KCNA2: variants seen among roughly 807,000 people sequenced by gnomAD.
The protein encoded by KCNA2 is potassium voltage-gated channel subfamily A member 2.
Under a neutral mutation model 33.4 loss-of-function variants are expected in KCNA2, and 11 were observed. That is an observed-to-expected ratio of 0.33 (90% CI 0.21 to 0.55). The LOEUF (loss-of-function observed/expected upper bound fraction) is 0.55. KCNA2 is among the 20% of genes least tolerant of loss of function. The pLI, the probability that KCNA2 is intolerant of heterozygous loss-of-function variation, is 0.93. For synonymous variants in KCNA2, 222 were observed against 231.3 expected (o/e 0.96, Z 0.37); for missense variants, 291 against 621.6 (o/e 0.47, Z 5.66).
chr1:110,596,932 GGAAAGGGGACTCTTCT>G lies in KCNA2; in HGVS notation c.*6335_*6350del. Reference sequence around the variant, plus strand: ...TGAACATTTAAGCTCACAGATGTTAGGAAAGGGGACTCTTCTGAAGCCCCTGGCTATGTGTGCAAAT... The same window carrying G: ...TGAACATTTAAGCTCACAGATGTTAGGAAGCCCCTGGCTATGTGTGCAAAT... On this transcript the variant is annotated 3_prime_UTR_variant, in exon 3 of 3. Coordinates refer to ENST00000316361, the MANE Select transcript of KCNA2 (RefSeq NM_004974.4). 1.0e-6 allele frequency: 1 copy of G among 985,440 alleles called. No homozygotes were observed. Among genetic ancestry groups the G allele is most frequent in the Non-Finnish European group, 1.2e-6 (1 of 829,944 alleles). 61.0% of individuals were successfully genotyped at this position (985,440 alleles called of 1,614,324 possible).
Position 110,595,491 on chromosome 1 carries a change from C to T in KCNA2, c.*7792G>A. On this transcript the variant is annotated 3_prime_UTR_variant, in exon 3 of 3. Transcript: ENST00000316361. ...TGGGGAGATGGCAGACACCCCTGCA[C>T]CACTTCAATTGCTCCAGATACAGTG... is the stretch of plus-strand genomic sequence containing the variant. The T allele has an allele frequency of 1.0e-6, 1 of 985,416 alleles. No homozygotes were observed. Among genetic ancestry groups the T allele is most frequent in the Non-Finnish European group, 1.2e-6 (1 of 829,970 alleles). 61.0% of individuals were successfully genotyped at this position (985,416 alleles called of 1,614,324 possible).
intron 1 of KCNA2, among the ~76,000 whole-genome samples, chr1:110,620,070 GA>G (rs1650207507): frequency 6.9e-6 from 1 of 144,762 alleles, no homozygotes. Context: ...GAGAGAGAGA[GA>G]GAGAGAGAGA....
At chr1:110,609,579 C>T (rs1649801962), upstream of KCNA2, among the ~76,000 whole-genome samples, 1 of 152,174 alleles carries the variant, frequency 6.6e-6, no homozygotes, top group Non-Finnish European at 1.5e-5. Flanking sequence ...GAATGAGCAG[C>T]TCTTGAATTT....
upstream of KCNA2, chr1:110,607,302 G>C (rs1432280752): frequency 6.6e-6 from 1 of 151,752 alleles, no homozygotes; most frequent in Admixed American, 6.6e-5. Flanking sequence ...GGCCAGCGCC[G>C]GCAGAACCCC....
Position 110,601,331 on chromosome 1 carries a change from C to T in KCNA2, c.*1952G>A, listed in dbSNP as rs1649333453. On this transcript the variant is annotated 3_prime_UTR_variant, in exon 3 of 3. Coordinates refer to ENST00000316361, the MANE Select transcript of KCNA2 (RefSeq NM_004974.4). ...CAGTGGAATTTGGTCCCAGGGAGTC[C>T]TACTCCTTGGTGTCCTTGGTTTCAA... is the stretch of plus-strand genomic sequence containing the variant. 9.1e-6 allele frequency: 9 copies of T among 984,984 alleles called. No individual in the cohort carries two copies. Among genetic ancestry groups the T allele is most frequent in the Non-Finnish European group, 1.1e-5 (9 of 829,698 alleles). 61.0% of individuals were successfully genotyped at this position (984,984 alleles called of 1,614,324 possible).
In KCNA2 at chr1:110,604,579, G is replaced by A. The variant is rs776134187; in HGVS notation, c.204C>T (p.Tyr68=). The A allele has an allele frequency of 1.7e-5, 28 of 1,614,104 alleles. No individual in the cohort carries two copies. The South Asian group carries it at 3.1e-4, about 18-fold the overall frequency. Residue 68 remains tyrosine (Y), a synonymous_variant, in exon 3 of 3, where the codon TAC becomes TAT. Coordinates refer to ENST00000316361, the MANE Select transcript of KCNA2 (RefSeq NM_004974.4). This position sits in a 1 kb window ranked among gnomAD's most constrained non-coding sequence, Gnocchi z 7.6. ...AGTACTCATTTCGGAGGGGGTCAAA[G>A]TACCTCATTCGTTTCTTTGGGTCCC... The part of the protein sequence containing the change: ...LLGDPKKRMR[Y]FDPLRNEYFF...
chr1:110,604,048 G>A lies in KCNA2; in HGVS notation c.735C>T (p.Pro245=). Residue 245 remains proline (P), a synonymous_variant, in exon 3 of 3, where the codon CCC becomes CCT. Transcript: ENST00000316361. This position sits in a 1 kb window ranked among gnomAD's most constrained non-coding sequence, Gnocchi z 7.6. The part of the protein sequence containing the change: ...FEFLVRFFAC[P]SKAGFFTNIM... ...TGTTGGTGAAGAAGCCGGCTTTGCTGGGACAGGCAAAGAACCTCACCAAGA... is the reference window on the plus strand; with the variant it reads ...TGTTGGTGAAGAAGCCGGCTTTGCTAGGACAGGCAAAGAACCTCACCAAGA... 6.2e-7 allele frequency: 1 copy of A among 1,614,200 alleles called. No individual in the cohort carries two copies. The highest frequency in any genetic ancestry group is 1.3e-5 in the African/African-American group (1 of 75,052).
Position 110,594,731 on chromosome 1 carries a change from T to C in KCNA2, c.*8552A>G, listed in dbSNP as rs1649023218. ...GCAGAACTGGGGCAAGCACAGAGCATGTTCAAACCCTCAGGAGCTGAGACT... is the reference window on the plus strand; with the variant it reads ...GCAGAACTGGGGCAAGCACAGAGCACGTTCAAACCCTCAGGAGCTGAGACT... On this transcript the variant is annotated 3_prime_UTR_variant, in exon 3 of 3. Transcript: ENST00000316361. The C allele has an allele frequency of 7.1e-6, 7 of 985,264 alleles. No homozygotes were observed. Among genetic ancestry groups the C allele is most frequent in the African/African-American group, 3.5e-5 (2 of 57,216 alleles). The allele number at this position is 985,264 out of a possible 1,614,324, so 61.0% of individuals were successfully genotyped here. A position where few individuals can be genotyped will look rare whatever the true frequency, so the allele number is the denominator to read the frequency against.
chr1:110,594,140 C>G lies in KCNA2; in HGVS notation c.*9143G>C, dbSNP rs1342085949. On this transcript the variant is annotated 3_prime_UTR_variant, in exon 3 of 3. Coordinates refer to ENST00000316361, the MANE Select transcript of KCNA2 (RefSeq NM_004974.4). The stretch of plus-strand genomic sequence containing the variant: ...ATCCCAAGGAGGCTTATTTATCTAC[C>G]TCTTTGAGTTTTCAGCAATTATTAG... 3 of 1,356,640 alleles carry G rather than the reference C, an allele frequency of 2.2e-6. No individual in the cohort carries two copies. Among genetic ancestry groups the G allele is most frequent in the Non-Finnish European group, 2.8e-6 (3 of 1,058,962 alleles). The allele number at this position is 1,356,640 out of a possible 1,614,324, so 84.0% of individuals were successfully genotyped here. A position where few individuals can be genotyped will look rare whatever the true frequency, so the allele number is the denominator to read the frequency against.
rs187463116 is a variant in KCNA2, at chr1:110,613,734, T to C, written c.-495-8012A>G. Among the ~76,000 whole-genome samples the C allele has an allele frequency of 5.1e-4, 77 of 152,252 alleles. 1 individual carries two copies. The highest frequency in any genetic ancestry group is 1.6e-3 in the Admixed American group (25 of 15,290). ...GTTTCCCAGAGCTGGTGGCTCCCTC[T>C]CTATTTTATAGAGAGCTTAAGCATC... On this transcript the variant is annotated intron_variant, in intron 1 of 4. Coordinates refer to the KCNA2 transcript ENST00000369770.
At position 110,600,781 on chromosome 1, in the gene KCNA2, C is replaced by T. The variant is rs1223199030; in HGVS notation, c.*2502G>A. 1.1e-5 allele frequency: 11 copies of T among 985,342 alleles called. No homozygotes were observed. Among genetic ancestry groups the T allele is most frequent in the Non-Finnish European group, 1.2e-5 (10 of 829,970 alleles). 61.0% of individuals were successfully genotyped at this position (985,342 alleles called of 1,614,324 possible). On this transcript the variant is annotated 3_prime_UTR_variant, in exon 3 of 3. Transcript: ENST00000316361. Reference sequence around the variant, plus strand: ...CTCCCATGAAGGAGAGGAAGAGAAGCACAGAGGCTTTGTGCTGGGCATGGG... The same window carrying T: ...CTCCCATGAAGGAGAGGAAGAGAAGTACAGAGGCTTTGTGCTGGGCATGGG...
Position 110,602,383 on chromosome 1 carries a change from G to C in KCNA2, c.*900C>G. On this transcript the variant is annotated 3_prime_UTR_variant, in exon 3 of 3. Coordinates refer to ENST00000316361, the MANE Select transcript of KCNA2 (RefSeq NM_004974.4). Reference sequence around the variant, plus strand: ...GGTTATCTCCTGTGTTTTAAATATTGAGATTCATGCAACAAACACCCATGC... The same window carrying C: ...GGTTATCTCCTGTGTTTTAAATATTCAGATTCATGCAACAAACACCCATGC... 1 of 1,399,634 alleles carries C rather than the reference G, an allele frequency of 7.1e-7. No individual in the cohort carries two copies. The highest frequency in any genetic ancestry group is 1.4e-5 in the African/African-American group (1 of 69,236). 86.7% of individuals were successfully genotyped at this position (1,399,634 alleles called of 1,614,324 possible).
chr1:110,620,511 C>A (rs975860591), intron 1 of KCNA2, among the ~76,000 whole-genome samples: 1 of 152,156 alleles, frequency 6.6e-6, no homozygotes, highest in African/African-American at 2.4e-5. Context: ...CTGTTAAGAA[C>A]CCCACTTGGC....
At position 110,601,334 on chromosome 1, in the gene KCNA2, C is replaced by T; in HGVS notation, c.*1949G>A. ...TGGAATTTGGTCCCAGGGAGTCCTA[C>T]TCCTTGGTGTCCTTGGTTTCAAAGC... On this transcript the variant is annotated 3_prime_UTR_variant, in exon 3 of 3. Coordinates refer to ENST00000316361, the MANE Select transcript of KCNA2 (RefSeq NM_004974.4). The T allele has an allele frequency of 1.0e-6, 1 of 985,410 alleles. No homozygotes were observed. The highest frequency in any genetic ancestry group is 1.2e-6 in the Non-Finnish European group (1 of 829,924). The allele number at this position is 985,410 out of a possible 1,614,324, so 61.0% of individuals were successfully genotyped here. A position where few individuals can be genotyped will look rare whatever the true frequency, so the allele number is the denominator to read the frequency against.
chr1:110,600,856 C>T lies in KCNA2; in HGVS notation c.*2427G>A, dbSNP rs148406391. 2 of 985,428 alleles carry T rather than the reference C, an allele frequency of 2.0e-6. No homozygotes were observed. The highest frequency in any genetic ancestry group is 2.4e-6 in the Non-Finnish European group (2 of 829,988). The allele number at this position is 985,428 out of a possible 1,614,324, so 61.0% of individuals were successfully genotyped here. A position where few individuals can be genotyped will look rare whatever the true frequency, so the allele number is the denominator to read the frequency against. ...TGGGTGACCAGGCACTAATGAGCAC[C>T]CTGGGCCTAGCACCCTGAGCTGGTG... is the stretch of plus-strand genomic sequence containing the variant. On this transcript the variant is annotated 3_prime_UTR_variant, in exon 3 of 3. Coordinates refer to ENST00000316361, the MANE Select transcript of KCNA2 (RefSeq NM_004974.4).
chr1:110,621,411 C>T (rs766853271), intron 1 of KCNA2, among the ~76,000 whole-genome samples: 3 of 152,116 alleles, frequency 2.0e-5, no homozygotes, highest in Non-Finnish European at 4.4e-5. Context: ...AAAAGAAGAT[C>T]TTACATCAAT....
intron 1 of KCNA2, among the ~76,000 whole-genome samples, chr1:110,622,500 G>A (rs1296504679): frequency 6.6e-6 from 1 of 151,928 alleles, no homozygotes; most frequent in Non-Finnish European, 1.5e-5. Flanking sequence ...AGCACAATAA[G>A]GTAAGGAAAA....
chr1:110,598,274 C>T lies in KCNA2; in HGVS notation c.*5009G>A. ...CCCAGGAAAGCTCTGGGGAGCAGAG[C>T]TCAGCACCATCATCCCCTCTCTTGA... On this transcript the variant is annotated 3_prime_UTR_variant, in exon 3 of 3. Coordinates refer to ENST00000316361, the MANE Select transcript of KCNA2 (RefSeq NM_004974.4). 9.8e-6 allele frequency: 7 copies of T among 717,354 alleles called. No homozygotes were observed. The highest frequency in any genetic ancestry group is 1.2e-5 in the Non-Finnish European group (7 of 585,326). 44.4% of individuals were successfully genotyped at this position (717,354 alleles called of 1,614,324 possible).
intron 1 of KCNA2, among the ~76,000 whole-genome samples, chr1:110,630,325 C>T (rs1051110850): frequency 6.6e-5 from 10 of 152,258 alleles, no homozygotes; most frequent in Admixed American, 6.5e-4. Flanking sequence ...CCGGCCAGTG[C>T]TCTGTACTTT....
Sources: gnomAD v4.1 joint callset for allele counts (sites outside exome capture counted in the v4.1 genomes callset) on GRCh38, gnomAD v4.1.1 for gene constraint, Gnocchi (gnomAD v3.1) non-coding constraint, MANE v1.5 for transcripts, NCBI Gene and HGNC (gene_info 2026-07-23, HGNC 2026-07-21) for gene names.